NPAS3: variants seen among roughly 807,000 people sequenced by gnomAD.
NPAS3 encodes neuronal PAS domain protein 3, also known as neuronal PAS domain-containing protein 3.
A neutral mutation model predicts 73.1 loss-of-function variants in NPAS3; 14 were observed. That is an observed-to-expected ratio of 0.19 (90% confidence interval 0.13 to 0.30). The LOEUF (loss-of-function observed/expected upper bound fraction) is 0.30, where lower values mean the gene tolerates loss of function less well. NPAS3 is among the 10% of genes least tolerant of loss of function. The pLI is 1.00. For missense variants in NPAS3, 1,096 were observed against 1,250.0 expected (o/e 0.88, Z 1.86); for synonymous variants, 620 against 541.5 (o/e 1.14, Z -2.01).
At chr14:33,656,596 G>A (rs1415538580) in intron 5 of NPAS3, among the ~76,000 whole-genome samples, 2 of 152,128 alleles carry the variant, frequency 1.3e-5, no homozygotes, top group Admixed American at 6.6e-5. Flanking sequence ...GAAATTGTGT[G>A]TATTTGAGGT....
chr14:33,301,318 A>AT lies in NPAS3; in HGVS notation c.386-65867dup, dbSNP rs1351272789. On this transcript the variant is annotated intron_variant, in intron 3 of 11. Coordinates refer to ENST00000356141, the Ensembl canonical transcript of NPAS3. ...CTAGGTTTTATCATTATATATATAT[A>AT]TATATTTTTTTTTTTTAAATCTAGC... is the stretch of plus-strand genomic sequence containing the variant. Among the ~76,000 whole-genome samples, 9 of 97,128 alleles carry AT rather than the reference A, an allele frequency of 9.3e-5. 1 individual carries two copies. The highest frequency in any genetic ancestry group is 3.9e-4 in the South Asian group (1 of 2,582). The allele number at this position is 97,128 out of a possible 152,430, so 63.7% of individuals were successfully genotyped here. A position where few individuals can be genotyped will look rare whatever the true frequency, so the allele number is the denominator to read the frequency against.
At chr14:32,962,895 T>TA (rs1269933414) in intron 1 of NPAS3, among the ~76,000 whole-genome samples, 5 of 150,226 alleles carry the variant, frequency 3.3e-5, no homozygotes, top group African/African-American at 1.2e-4. Flanking sequence ...TTTTTTTTTT[T>TA]AAAGAGGTGG....
chr14:33,374,346 G>A (rs367891861), intron 4 of NPAS3, among the ~76,000 whole-genome samples: 2 of 152,016 alleles, frequency 1.3e-5, no homozygotes, highest in Non-Finnish European at 2.9e-5. Flanking sequence ...AAATTTCTAC[G>A]TTTCTTCTGT....
chr14:33,171,360 T>A (rs533049500), intron 2 of NPAS3, among the ~76,000 whole-genome samples: 7 of 152,332 alleles, frequency 4.6e-5, no homozygotes, highest in African/African-American at 1.7e-4. Context: ...ATTTTCAGAA[T>A]GATAAATGAG....
intron 5 of NPAS3, among the ~76,000 whole-genome samples, chr14:33,642,934 C>A (rs1404435760): frequency 6.6e-6 from 1 of 152,104 alleles, no homozygotes. Context: ...TCTTGAGTAA[C>A]TTTACAAGAG....
At chr14:33,056,190 G>A (rs2040882190) in intron 2 of NPAS3, among the ~76,000 whole-genome samples, 196 bp downstream of exon 2, 1 of 151,340 alleles carries the variant, frequency 6.6e-6, no homozygotes, top group Admixed American at 6.6e-5. Flanking sequence ...GATCAAGACA[G>A]AAAAAAAATG....
At chr14:33,390,427 G>A (rs535187921) in intron 4 of NPAS3, among the ~76,000 whole-genome samples, 4 of 152,222 alleles carry the variant, frequency 2.6e-5, no homozygotes, top group South Asian at 4.2e-4. Context: ...AAAGAAGAAC[G>A]TGTTCTTGCT....
chr14:33,153,635 T>C (rs537906976), intron 2 of NPAS3, among the ~76,000 whole-genome samples: 1 of 152,272 alleles, frequency 6.6e-6, no homozygotes, highest in East Asian at 1.9e-4. Flanking sequence ...CCCTCATTTC[T>C]ACAGAGGTGG....
intron 4 of NPAS3, among the ~76,000 whole-genome samples, chr14:33,404,252 C>T (rs148265663): frequency 9.9e-5 from 15 of 152,120 alleles, no homozygotes; most frequent in African/African-American, 2.9e-4. Flanking sequence ...TGCTATACTA[C>T]GTGTGGTAGG....
chr14:33,049,412 G>A (rs1249884874), intron 1 of NPAS3, among the ~76,000 whole-genome samples: 2 of 152,192 alleles, frequency 1.3e-5, no homozygotes, highest in Non-Finnish European at 2.9e-5. Context: ...AGGTTTAATG[G>A]AGAACTCACA....
rs370043688 is a variant in NPAS3, at chr14:33,353,528, G to C, written c.386-13658G>C. Among the ~76,000 whole-genome samples, 13 of 152,342 alleles carry C rather than the reference G, an allele frequency of 8.5e-5. No homozygotes were observed. In the South Asian group the frequency reaches 2.5e-3, roughly 29 times the overall value. ...TGGACCAGGAGAAAACATTTTTATTGATGAGCAAAGTGATGGATAGTATTG... is the reference window on the plus strand; with the variant it reads ...TGGACCAGGAGAAAACATTTTTATTCATGAGCAAAGTGATGGATAGTATTG... On this transcript the variant is annotated intron_variant, in intron 3 of 11. Coordinates refer to ENST00000356141, the Ensembl canonical transcript of NPAS3.
chr14:33,421,534 TC>T (rs2048358018), intron 4 of NPAS3, among the ~76,000 whole-genome samples: 1 of 146,178 alleles, frequency 6.8e-6, no homozygotes. Context: ...TAGAAGCATT[TC>T]CCATATAGAA....
intron 4 of NPAS3, among the ~76,000 whole-genome samples, chr14:33,508,725 T>C (rs1307533968): frequency 4.6e-5 from 7 of 152,054 alleles, no homozygotes; most frequent in Non-Finnish European, 8.8e-5. Flanking sequence ...ATGATCATTT[T>C]TAAAGTGTAC....
chr14:33,076,198 A>G (rs1003082150), intron 2 of NPAS3, among the ~76,000 whole-genome samples: 1 of 151,994 alleles, frequency 6.6e-6, no homozygotes, highest in Non-Finnish European at 1.5e-5. Context: ...AAGACCTCAC[A>G]CCCCAAAGAA....
At chr14:33,392,770 C>T (rs868242606) in intron 4 of NPAS3, among the ~76,000 whole-genome samples, 1 of 152,048 alleles carries the variant, frequency 6.6e-6, no homozygotes, top group Admixed American at 6.6e-5. Context: ...ACCCTTACTC[C>T]AGTTGAATTT....
intron 2 of NPAS3, among the ~76,000 whole-genome samples, chr14:33,206,649 C>T (rs980778455): frequency 3.3e-5 from 5 of 152,112 alleles, no homozygotes; most frequent in Admixed American, 2.6e-4. Flanking sequence ...AACACTTGGA[C>T]CTTGACTGAA....
At chr14:33,010,811 T>C (rs1215058734) in intron 1 of NPAS3, among the ~76,000 whole-genome samples, 1 of 151,930 alleles carries the variant, frequency 6.6e-6, no homozygotes, top group Non-Finnish European at 1.5e-5. Flanking sequence ...GGCATGCACC[T>C]GTAGTCCCAG....
chr14:33,240,476 C>A (rs1276378395), intron 3 of NPAS3, among the ~76,000 whole-genome samples: 3 of 151,696 alleles, frequency 2.0e-5, no homozygotes, highest in East Asian at 1.9e-4. Flanking sequence ...ATAAAGCCTT[C>A]TTTTTGTGTT....
chr14:33,405,878 G>T (rs2138815323), intron 4 of NPAS3, among the ~76,000 whole-genome samples: 1 of 152,178 alleles, frequency 6.6e-6, no homozygotes, highest in South Asian at 2.1e-4. Context: ...TCAGAGCTGT[G>T]TGTGTTAATT....
Sources: gnomAD v4.1 joint callset for allele counts (sites outside exome capture counted in the v4.1 genomes callset) on GRCh38, gnomAD v4.1.1 for gene constraint, MANE v1.5 for transcripts, NCBI Gene and HGNC (gene_info 2026-07-23, HGNC 2026-07-21) for gene names.